The following KLHL12 variants were observed in gnomAD, a reference collection of about 807,000 sequenced individuals.
The protein encoded by KLHL12 is kelch like family member 12, also known as kelch-like protein 12.
A neutral mutation model predicts 60.8 loss-of-function variants in KLHL12; 17 were observed. The ratio of observed to expected loss-of-function variants is 0.28; its 90% CI spans 0.19 to 0.42. KLHL12 has a LOEUF of 0.42. Ranked by LOEUF, KLHL12 falls within the 10% of genes least tolerant of loss-of-function variation. The probability of loss-of-function intolerance (pLI) is 1.00; values close to 1 mark genes in which losing one functional copy is unlikely to be tolerated. For missense variants in KLHL12, 468 were observed against 722.3 expected (o/e 0.65, Z 4.04); for synonymous variants, 220 against 250.9 (o/e 0.88, Z 1.16).
At position 202,919,230 on chromosome 1, in the gene KLHL12, T is replaced by C. The variant is rs145856179; in HGVS notation, c.349+525A>G. Among the ~76,000 whole-genome samples the C allele has an allele frequency of 5.9e-3, 892 of 152,322 alleles. 6 individuals are homozygous for C. Among genetic ancestry groups the C allele is most frequent in the Non-Finnish European group, 8.2e-3 (558 of 68,032 alleles). The stretch of plus-strand genomic sequence containing the variant: ...GTGATTGCACCACTGTGCTCTAATC[T>C]GGGTGACAGAGTGAGACTCTGTCTC... On this transcript the variant is annotated intron_variant, in intron 3 of 11. Coordinates refer to ENST00000367261, the MANE Select transcript of KLHL12 (RefSeq NM_021633.4).
rs76258902 is a variant in KLHL12, at chr1:202,913,928, G to A, written c.568-2725C>T. On this transcript the variant is annotated intron_variant, in intron 4 of 11. Coordinates refer to ENST00000367261, the MANE Select transcript of KLHL12 (RefSeq NM_021633.4). Reference sequence around the variant, plus strand: ...TGCCCAACAGCAACACGGGGCTAGCGGGAGCAAACCAGACACTATAGATAT... The same window carrying A: ...TGCCCAACAGCAACACGGGGCTAGCAGGAGCAAACCAGACACTATAGATAT... Among the ~76,000 whole-genome samples, 296 of 152,316 alleles carry A rather than the reference G, an allele frequency of 1.9e-3. 1 individual carries two copies. Among genetic ancestry groups the A allele is most frequent in the African/African-American group, 6.5e-3 (269 of 41,580 alleles).
Position 202,895,490 on chromosome 1 carries a change from A to G in KLHL12, c.1135+32T>C. ...AAAACCCTGGTCCAGCCACAGTAAG[A>G]TGGAAATAATTGCCCTGCACATCCA... On this transcript the variant is annotated intron_variant, in intron 8 of 11. Transcript: ENST00000367261. This position sits in a 1 kb window ranked among gnomAD's most constrained non-coding sequence, Gnocchi z 4.2. The G allele has an allele frequency of 1.3e-6, 2 of 1,591,742 alleles. No individual in the cohort carries two copies. Among genetic ancestry groups the G allele is most frequent in the African/African-American group, 1.3e-5 (1 of 74,444 alleles).
In KLHL12 at chr1:202,896,867, C is replaced by T. The variant is rs778779595; in HGVS notation, c.926G>A (p.Trp309Ter). 1.2e-6 allele frequency: 2 copies of T among 1,613,612 alleles called. No homozygotes were observed. The highest frequency in any genetic ancestry group is 1.7e-6 in the Non-Finnish European group (2 of 1,179,564). ...ACCATTATTTACTGGCAAAAAGCTC[C>T]ACTCCTGAGTCTTGGGGTCATATTT... ...VEKYDPKTQEWSFLPSITRKR... is the reference protein window; with the variant it reads ...VEKYDPKTQE Residue 309 changes from tryptophan to a stop codon, truncating the protein, a stop_gained, in exon 7 of 12, where the codon TGG becomes TAG. Transcript: ENST00000367261. LOFTEE classifies it high-confidence loss of function.
intron 2 of KLHL12, among the ~76,000 whole-genome samples, chr1:202,922,745 C>CA (rs1390646884): frequency 1.3e-5 from 2 of 151,942 alleles, no homozygotes; most frequent in Non-Finnish European, 2.9e-5. Flanking sequence ...TTCGGCCTCC[C>CA]AAAGTGCTGG....
Position 202,893,196 on chromosome 1 carries a change from C to T in KLHL12, c.1580+43G>A, listed in dbSNP as rs201727753. ...GAGGATCAGATCACATAGACTCTTG[C>T]TCTGGCTACATATTGAGTCTGGATT... On this transcript the variant is annotated intron_variant, in intron 11 of 11. Transcript: ENST00000367261. The surrounding 1 kb of genome is among the most constrained non-coding windows in gnomAD (Gnocchi z 4.1). 987 of 1,495,740 alleles carry T rather than the reference C, an allele frequency of 6.6e-4. No homozygotes were observed. The highest frequency in any genetic ancestry group is 8.6e-4 in the Non-Finnish European group (949 of 1,101,760). The allele number at this position is 1,495,740 out of a possible 1,614,324, so 92.7% of individuals were successfully genotyped here.
At chr1:202,903,104 G>C (rs116335033) in intron 6 of KLHL12, among the ~76,000 whole-genome samples, 272 of 132,554 alleles carry the variant, frequency 2.1e-3, no homozygotes, top group African/African-American at 7.4e-3. Context: ...AAGTTTCAGT[G>C]AACCAAGATC....
rs869033514 is a variant in KLHL12 at position 202,892,334 on chromosome 1, AT to A, written c.*198del. ...CAATGTGCATTCTTTTTCCTGGAAT[AT>A]CTGTTACCCACCCTTCTCAGGAACA... On this transcript the variant is annotated 3_prime_UTR_variant, in exon 12 of 12. Transcript: ENST00000367261. 1 of 502,060 alleles carries A rather than the reference AT, an allele frequency of 2.0e-6. No individual in the cohort carries two copies. Among genetic ancestry groups the A allele is most frequent in the Non-Finnish European group, 3.4e-6 (1 of 290,870 alleles). 31.1% of individuals were successfully genotyped at this position (502,060 alleles called of 1,614,324 possible).
At chr1:202,924,446 A>T (rs1208357694) in intron 2 of KLHL12, among the ~76,000 whole-genome samples, 4 of 152,138 alleles carry the variant, frequency 2.6e-5, no homozygotes, top group African/African-American at 4.8e-5. Context: ...TCACTTAAAA[A>T]TTTTTAAACT....
intron 2 of KLHL12, among the ~76,000 whole-genome samples, chr1:202,923,219 A>G (rs1660751936): frequency 6.6e-6 from 1 of 152,252 alleles, no homozygotes; most frequent in African/African-American, 2.4e-5. Context: ...AAGAGTAAAG[A>G]CACTATTTTC....
rs764242619 is a variant in KLHL12, at chr1:202,893,458, G to A, written c.1394-33C>T. The A allele has an allele frequency of 6.5e-6, 10 of 1,539,608 alleles. No homozygotes were observed. In the Admixed American group the frequency reaches 1.8e-4, roughly 27 times the overall value. On this transcript the variant is annotated intron_variant, in intron 10 of 11. Transcript: ENST00000367261. This position sits in a 1 kb window ranked among gnomAD's most constrained non-coding sequence, Gnocchi z 4.1. ...AAATGAATGCATTAGCAAATGTATG[G>A]TACTAAGCCTAGAATCTGAATTATA...
Position 202,893,100 on chromosome 1 carries a change from AT to A in KLHL12, c.1580+138del, listed in dbSNP as rs1659727032. The A allele has an allele frequency of 1.6e-6, 1 of 635,792 alleles. No individual in the cohort carries two copies. The highest frequency in any genetic ancestry group is 2.6e-6 in the Non-Finnish European group (1 of 378,918). 39.4% of individuals were successfully genotyped at this position (635,792 alleles called of 1,614,324 possible). On this transcript the variant is annotated intron_variant, in intron 11 of 11. Transcript: ENST00000367261. This position sits in a 1 kb window ranked among gnomAD's most constrained non-coding sequence, Gnocchi z 4.1. ...ACTCTGTCTCTAAAAAATAAAAAAAATCTAATAAAAAAAATCAAGTTGCCAC... is the reference window on the plus strand; with the variant it reads ...ACTCTGTCTCTAAAAAATAAAAAAAACTAATAAAAAAAATCAAGTTGCCAC...
chr1:202,895,216 A>G lies in KLHL12; in HGVS notation c.1135+306T>C, dbSNP rs1659795237. ...AGATCAGCCTGGGCAACATGGCGAAACCCCATCTCTACTAAAAATACAAAA... is the reference window on the plus strand; with the variant it reads ...AGATCAGCCTGGGCAACATGGCGAAGCCCCATCTCTACTAAAAATACAAAA... On this transcript the variant is annotated intron_variant, in intron 8 of 11. Coordinates refer to ENST00000367261, the MANE Select transcript of KLHL12 (RefSeq NM_021633.4). This position sits in a 1 kb window ranked among gnomAD's most constrained non-coding sequence, Gnocchi z 4.2. Among the ~76,000 whole-genome samples, 1 of 152,040 alleles carries G rather than the reference A, an allele frequency of 6.6e-6. No individual in the cohort carries two copies. Among genetic ancestry groups the G allele is most frequent in the African/African-American group, 2.4e-5 (1 of 41,380 alleles).
Position 202,896,853 on chromosome 1 carries a change from C to T in KLHL12, c.939+1G>A. On this transcript the variant is annotated splice_donor_variant, in intron 7 of 11. Coordinates refer to ENST00000367261, the MANE Select transcript of KLHL12 (RefSeq NM_021633.4). LOFTEE classifies it high-confidence loss of function. ...CAACGAATGGTTTCACCATTATTTA[C>T]TGGCAAAAAGCTCCACTCCTGAGTC... 6.2e-7 allele frequency: 1 copy of T among 1,609,050 alleles called. No individual in the cohort carries two copies. Among genetic ancestry groups the T allele is most frequent in the Non-Finnish European group, 8.5e-7 (1 of 1,175,324 alleles).
chr1:202,927,419 A>C (rs1571550487), upstream of KLHL12, among the ~76,000 whole-genome samples: 1 of 150,680 alleles, frequency 6.6e-6, no homozygotes, highest in African/African-American at 2.4e-5. Context: ...ATGGTGGCTC[A>C]CGCCTATAAT....
chr1:202,898,299 A>T (rs1467118776), intron 6 of KLHL12, among the ~76,000 whole-genome samples: 1 of 152,206 alleles, frequency 6.6e-6, no homozygotes, highest in East Asian at 1.9e-4. Flanking sequence ...GAGCTTTGGA[A>T]AATTCAATCA....
chr1:202,894,830 T>A, intron 8 of KLHL12, 81 bp from the exon 9 acceptor site: 1 of 1,247,850 alleles, frequency 8.0e-7, no homozygotes, highest in Non-Finnish European at 1.2e-6. Context: ...TTTCCAAGGG[T>A]CCTTTAAAAG....
intron 2 of KLHL12, 26 bp downstream of exon 2, chr1:202,924,942 T>C: frequency 2.5e-6 from 4 of 1,600,068 alleles, no homozygotes; most frequent in Non-Finnish European, 3.4e-6. Flanking sequence ...CGGGTTTCAT[T>C]TGTGTGGGGC....
intron 4 of KLHL12, among the ~76,000 whole-genome samples, chr1:202,914,618 A>T (rs1660464470): frequency 6.6e-6 from 1 of 152,166 alleles, no homozygotes; most frequent in African/African-American, 2.4e-5. Flanking sequence ...CTGTAATCTC[A>T]GCACTTTGGG....
chr1:202,904,379 T>C (rs1660120198), intron 6 of KLHL12, among the ~76,000 whole-genome samples: 1 of 152,248 alleles, frequency 6.6e-6, no homozygotes, highest in Admixed American at 6.5e-5. Flanking sequence ...GATTTTTTTA[T>C]TTATTCAAAT....
Sources: allele counts gnomAD v4.1 joint callset (sites outside exome capture counted in the v4.1 genomes callset), GRCh38; gene constraint gnomAD v4.1.1; non-coding constraint Gnocchi (gnomAD v3.1); transcripts MANE v1.5; gene names NCBI Gene and HGNC (gene_info 2026-07-23, HGNC 2026-07-21).